ESRRG: variants seen among roughly 807,000 people sequenced by gnomAD.
ESRRG encodes the protein estrogen-related receptor gamma.
ESRRG carries 13 observed loss-of-function variants against 44.0 expected under a neutral mutation model. That is an observed-to-expected ratio of 0.30 (90% CI 0.19 to 0.47). The LOEUF (loss-of-function observed/expected upper bound fraction) is 0.47, where lower values mean the gene tolerates loss of function less well. ESRRG is among the 20% of genes least tolerant of loss of function. The pLI, the probability that ESRRG is intolerant of heterozygous loss-of-function variation, is 1.00. For missense variants in ESRRG, 395 were observed against 580.6 expected (o/e 0.68, Z 3.29); for synonymous variants, 215 against 214.6 (o/e 1.00, Z -0.02).
chr1:217,127,957 G>A (rs1283727928), intron 1 of ESRRG, among the ~76,000 whole-genome samples: 1 of 152,162 alleles, frequency 6.6e-6, no homozygotes, highest in Non-Finnish European at 1.5e-5. Context: ...TTATTCTGCA[G>A]ATAAGGAAAG....
At chr1:217,132,442 T>C (rs2092978833) in intron 1 of ESRRG, among the ~76,000 whole-genome samples, 3 of 152,054 alleles carry the variant, frequency 2.0e-5, no homozygotes. Context: ...GCAAGTGGGA[T>C]TGAGAAAGGT....
rs531056338 is a variant in ESRRG, at chr1:216,828,841, T to C, written c.-14+110741A>G. On this transcript the variant is annotated intron_variant, in intron 2 of 7. Transcript: ENST00000359162. ...GGTTCATCTTTTACCCGTTCTCTTT[T>C]ATTAACTTATCATCCTAGTCTGTGT... is the stretch of plus-strand genomic sequence containing the variant. Among the ~76,000 whole-genome samples the C allele has an allele frequency of 1.2e-4, 19 of 152,326 alleles. No homozygotes were observed. The South Asian group carries it at 3.7e-3, about 30-fold the overall frequency.
At chr1:217,011,626 T>C (rs1016022839) in intron 1 of ESRRG, among the ~76,000 whole-genome samples, 1 of 151,644 alleles carries the variant, frequency 6.6e-6, no homozygotes, top group Non-Finnish European at 1.5e-5. Context: ...TAGCCTGGGA[T>C]TGCTTTGGGA....
At chr1:216,776,301 C>T (rs1326280714) in intron 2 of ESRRG, among the ~76,000 whole-genome samples, 2 of 152,064 alleles carry the variant, frequency 1.3e-5, no homozygotes, top group Non-Finnish European at 2.9e-5. Flanking sequence ...AACCACTCCC[C>T]ACTCTACTCC....
chr1:217,110,600 G>C (rs2092650604), intron 1 of ESRRG, among the ~76,000 whole-genome samples: 1 of 152,136 alleles, frequency 6.6e-6, no homozygotes, highest in African/African-American at 2.4e-5. Flanking sequence ...CAAAGGGGGA[G>C]CAGGCACATC....
intron 2 of ESRRG, among the ~76,000 whole-genome samples, chr1:216,670,459 C>A (rs1181685539): frequency 1.3e-5 from 2 of 152,202 alleles, no homozygotes; most frequent in African/African-American, 4.8e-5. Context: ...AAGAAAAGCC[C>A]TTGCCTGAAG....
chr1:216,990,239 C>T (rs2075477370), intron 1 of ESRRG, among the ~76,000 whole-genome samples: 1 of 152,038 alleles, frequency 6.6e-6, no homozygotes, highest in African/African-American at 2.4e-5. Context: ...AATGTGTAAC[C>T]CAACCCTAAA....
At chr1:216,546,957 C>T (rs1299344280) in intron 5 of ESRRG, among the ~76,000 whole-genome samples, 14 of 151,778 alleles carry the variant, frequency 9.2e-5, no homozygotes, top group Admixed American at 2.0e-4. Flanking sequence ...CCTCCCCTAG[C>T]CCCCCATCCC....
intron 1 of ESRRG, among the ~76,000 whole-genome samples, chr1:216,716,201 T>C (rs1306246642): frequency 1.3e-5 from 2 of 152,094 alleles, no homozygotes; most frequent in African/African-American, 4.8e-5. Flanking sequence ...CAGAGACTTT[T>C]GTCTTTCTAA....
At chr1:216,937,907 C>T (rs1361162599) in intron 2 of ESRRG, among the ~76,000 whole-genome samples, 2 of 128,106 alleles carry the variant, frequency 1.6e-5, no homozygotes, top group Admixed American at 1.5e-4. Context: ...TGAAATTGGC[C>T]TGCTTTATTA....
At chr1:216,640,572 G>C (rs1234143584) in intron 3 of ESRRG, among the ~76,000 whole-genome samples, 1 of 152,098 alleles carries the variant, frequency 6.6e-6, no homozygotes, top group Non-Finnish European at 1.5e-5. Flanking sequence ...CCAGTGCTCA[G>C]TGTCAGTTAC....
intron 1 of ESRRG, among the ~76,000 whole-genome samples, chr1:216,691,409 C>G (rs2079029800): frequency 6.6e-6 from 1 of 152,024 alleles, no homozygotes; most frequent in Non-Finnish European, 1.5e-5. Context: ...ACTTGCATAG[C>G]AACTGGAATA....
At chr1:216,714,499 A>G in intron 1 of ESRRG, 9 of 622,346 alleles carry the variant, frequency 1.4e-5, no homozygotes, top group Non-Finnish European at 1.8e-5. Context: ...GACAATAGAC[A>G]ATATCACCGA....
intron 3 of ESRRG, among the ~76,000 whole-genome samples, chr1:216,616,845 AC>A (rs1377276293): frequency 6.6e-6 from 1 of 152,162 alleles, no homozygotes; most frequent in East Asian, 1.9e-4. Context: ...AATATTATTA[AC>A]TTTAAAATCT....
intron 2 of ESRRG, among the ~76,000 whole-genome samples, chr1:216,871,991 C>G (rs1213820559): frequency 1.3e-5 from 2 of 152,036 alleles, no homozygotes; most frequent in African/African-American, 4.8e-5. Context: ...TTAGAGCTGA[C>G]TTGCTGGCAA....
intron 2 of ESRRG, among the ~76,000 whole-genome samples, chr1:216,905,950 C>A (rs2059637321): frequency 6.6e-6 from 1 of 152,132 alleles, no homozygotes; most frequent in Non-Finnish European, 1.5e-5. Flanking sequence ...AGGGTTTCAC[C>A]ATATTGGCCA....
At chr1:216,614,065 C>A (rs1450305643) in intron 3 of ESRRG, among the ~76,000 whole-genome samples, 1 of 152,182 alleles carries the variant, frequency 6.6e-6, no homozygotes, top group African/African-American at 2.4e-5. Context: ...CAAAAACACA[C>A]CATTTTGCAG....
intron 1 of ESRRG, among the ~76,000 whole-genome samples, chr1:216,957,745 G>C (rs985304425): frequency 6.6e-6 from 1 of 152,142 alleles, no homozygotes; most frequent in Non-Finnish European, 1.5e-5. Context: ...CTATAGGCAA[G>C]CCACAGTGAC....
intron 2 of ESRRG, 57 bp downstream of exon 2, chr1:216,677,019 A>T (rs1490366341): frequency 1.5e-6 from 2 of 1,368,030 alleles, no homozygotes; most frequent in Non-Finnish European, 2.0e-6. Context: ...AAGGAAAAAC[A>T]AAAACCCATC....
Sources: allele counts gnomAD v4.1 joint callset (sites outside exome capture counted in the v4.1 genomes callset), GRCh38; gene constraint gnomAD v4.1.1; transcripts MANE v1.5; gene names NCBI Gene and HGNC (gene_info 2026-07-23, HGNC 2026-07-21).